The following SLC7A13 variants were observed in gnomAD, a reference collection of about 807,000 sequenced individuals.
SLC7A13 encodes the protein solute carrier family 7 member 13, also known as X-amino acid transporter 2.
Under a neutral mutation model 32.0 loss-of-function variants are expected in SLC7A13, and 31 were observed. The ratio of observed to expected loss-of-function variants is 0.97; its 90% CI spans 0.73 to 1.31. The LOEUF (loss-of-function observed/expected upper bound fraction) is 1.31. Ranked by LOEUF, SLC7A13 falls within the 50% of genes most tolerant of loss-of-function variation. The pLI is 0.00. For missense variants in SLC7A13, 633 were observed against 546.9 expected (o/e 1.16, Z -1.57); for synonymous variants, 232 against 206.9 (o/e 1.12, Z -1.04).
intron 1 of SLC7A13, among the ~76,000 whole-genome samples, chr8:86,226,538 CTG>C (rs1563591785): frequency 6.6e-6 from 1 of 152,182 alleles, no homozygotes; most frequent in Non-Finnish European, 1.5e-5. Flanking sequence ...CTATACCACT[CTG>C]AGCCTCCTCT....
At chr8:86,218,415 C>T (rs548692051) in intron 2 of SLC7A13, among the ~76,000 whole-genome samples, 1 of 152,190 alleles carries the variant, frequency 6.6e-6, no homozygotes, top group South Asian at 2.1e-4. Flanking sequence ...TTTCTATAGA[C>T]CAGTAATTCT....
At chr8:86,228,710 G>A (rs183324800) in intron 1 of SLC7A13, among the ~76,000 whole-genome samples, 25 of 151,702 alleles carry the variant, frequency 1.6e-4, no homozygotes, top group East Asian at 5.8e-4. Context: ...GCCAGGCATC[G>A]TGGTGCACAC....
rs539993555 is a variant in SLC7A13 at position 86,230,090 on chromosome 8, G to A, written c.188C>T (p.Ser63Leu). The part of the protein sequence containing the change: ...WAGCAILAMT[S>L]TLCSAEISIS... ...ACTTATCTCTGCAGAGCAAAGAGTT[G>A]ATGTCATGGCCAGTATGGCACAGCC... The change falls in exon 1 of 4, where the codon TCA (serine) becomes TTA (leucine). Residue 63 changes from serine (S) to leucine (L), a missense_variant. Transcript: ENST00000297524. The A allele has an allele frequency of 1.1e-5, 18 of 1,614,056 alleles. No homozygotes were observed. Among genetic ancestry groups the A allele is most frequent in the Non-Finnish European group, 1.5e-5 (18 of 1,180,050 alleles).
chr8:86,217,066 G>A (rs946148898), intron 3 of SLC7A13, among the ~76,000 whole-genome samples: 47 of 152,290 alleles, frequency 3.1e-4, no homozygotes, highest in African/African-American at 1.1e-3. Context: ...AAAGTAAGCT[G>A]ATGTTTCAGA....
chr8:86,218,082 T>C (rs1820223625), intron 2 of SLC7A13, among the ~76,000 whole-genome samples: 1 of 152,168 alleles, frequency 6.6e-6, no homozygotes, highest in Admixed American at 6.6e-5. Flanking sequence ...AAGAATGTTT[T>C]TGAGGGCAAG....
At position 86,223,002 on chromosome 8, in the gene SLC7A13, C is replaced by G; in HGVS notation, c.787G>C (p.Val263Leu). The G allele has an allele frequency of 6.2e-7, 1 of 1,607,794 alleles. No homozygotes were observed. Among genetic ancestry groups the G allele is most frequent in the Non-Finnish European group, 8.5e-7 (1 of 1,177,328 alleles). Residue 263 changes from valine (V) to leucine (L), a missense_variant, in exon 2 of 4, where the codon GTT (valine) becomes CTT (leucine). Physicochemically the swap from Val to Leu is conservative, Grantham distance 32. Coordinates refer to ENST00000297524, the MANE Select transcript of SLC7A13 (RefSeq NM_138817.3). ...GAGAGAATTTCCCTGGGTGTCAGAACAGTCAGATAGGAAATGTTAACCAGT... is the reference window on the plus strand; with the variant it reads ...GAGAGAATTTCCCTGGGTGTCAGAAGAGTCAGATAGGAAATGTTAACCAGT... ...YLLVNISYLT[V>L]LTPREILSSD...
In SLC7A13 at chr8:86,215,590, G is replaced by T. The variant is rs747194577; in HGVS notation, c.1180-944C>A. 1.6e-4 allele frequency: 58 copies of T among 374,120 alleles called. 1 individual carries two copies. The highest frequency in any genetic ancestry group is 1.1e-3 in the South Asian group (58 of 51,878). 23.2% of individuals were successfully genotyped at this position (374,120 alleles called of 1,614,324 possible). On this transcript the variant is annotated intron_variant, in intron 3 of 3. Coordinates refer to ENST00000297524, the MANE Select transcript of SLC7A13 (RefSeq NM_138817.3). ...AATCCCAGCTACTTGGGAGGCTGAG[G>T]CAGGAGAATCTCTTGAACCCAGGAA...
In SLC7A13 at chr8:86,217,523, T is replaced by A. The variant is rs967673826; in HGVS notation, c.1126A>T (p.Ile376Leu). The part of the protein sequence containing the change: ...TGSLWSILLM[I>L]GILRRRYQEP... ...TGGTATCTCCGCCTTAGTATTCCTA[T>A]CATTAATAATATAGACCATAATGAA... is the stretch of plus-strand genomic sequence containing the variant. The change falls in exon 3 of 4, where the codon ATA (isoleucine) becomes TTA (leucine). Residue 376 changes from isoleucine to leucine, a missense_variant. Physicochemically the swap from Ile to Leu is conservative, Grantham distance 5 (BLOSUM62 2). Transcript: ENST00000297524. The A allele has an allele frequency of 2.1e-5, 34 of 1,606,168 alleles. No individual in the cohort carries two copies. The highest frequency in any genetic ancestry group is 2.8e-5 in the Non-Finnish European group (33 of 1,177,242).
rs756957195 is a variant in SLC7A13 at position 86,223,015 on chromosome 8, A to G, written c.774T>C (p.Ile258=). 6.2e-7 allele frequency: 1 copy of G among 1,609,318 alleles called. No homozygotes were observed. The highest frequency in any genetic ancestry group is 8.5e-7 in the Non-Finnish European group (1 of 1,177,872). ...TGGGTGTCAGAACAGTCAGATAGGA[A>G]ATGTTAACCAGTAAATAAACTACAG... ...LVTVVYLLVN[I]SYLTVLTPRE... The change falls in exon 2 of 4, where the codon ATT becomes ATC. Residue 258 remains isoleucine, a synonymous_variant. Coordinates refer to ENST00000297524, the MANE Select transcript of SLC7A13 (RefSeq NM_138817.3).
chr8:86,217,392 C>T, intron 3 of SLC7A13, 78 bp downstream of exon 3: 3 of 1,237,932 alleles, frequency 2.4e-6, no homozygotes, highest in Non-Finnish European at 3.3e-6. Context: ...CTTATAGATG[C>T]TCTGATTATA....
intron 1 of SLC7A13, among the ~76,000 whole-genome samples, chr8:86,224,712 A>G (rs1407080409): frequency 6.6e-6 from 1 of 152,190 alleles, no homozygotes; most frequent in Non-Finnish European, 1.5e-5. Flanking sequence ...GCCCAGTGGA[A>G]AGGAACAAAG....
intron 1 of SLC7A13, among the ~76,000 whole-genome samples, chr8:86,228,131 C>T (rs1171221512): frequency 2.0e-5 from 3 of 152,116 alleles, no homozygotes; most frequent in Admixed American, 2.0e-4. Context: ...AGGCAAAATC[C>T]AGCACTTGTT....
At chr8:86,220,929 G>A (rs1441422973) in intron 2 of SLC7A13, among the ~76,000 whole-genome samples, 1 of 150,882 alleles carries the variant, frequency 6.6e-6, no homozygotes, top group African/African-American at 2.4e-5. Flanking sequence ...GGGAAGTGGA[G>A]GTTGCAGTGA....
At chr8:86,221,308 A>T (rs1410220423) in intron 2 of SLC7A13, among the ~76,000 whole-genome samples, 3 of 152,052 alleles carry the variant, frequency 2.0e-5, no homozygotes, top group African/African-American at 7.2e-5. Flanking sequence ...TTTCAAGCTT[A>T]TTGGATATTT....
At chr8:86,228,100 C>G (rs886722955) in intron 1 of SLC7A13, among the ~76,000 whole-genome samples, 6 of 152,178 alleles carry the variant, frequency 3.9e-5, no homozygotes, top group African/African-American at 1.4e-4. Flanking sequence ...TAACAATGCT[C>G]AAGAGCACAG....
Position 86,230,244 on chromosome 8 carries a change from C to T in SLC7A13, c.34G>A (p.Val12Met), listed in dbSNP as rs768681069. 5 of 1,607,956 alleles carry T rather than the reference C, an allele frequency of 3.1e-6. No homozygotes were observed. Among genetic ancestry groups the T allele is most frequent in the Non-Finnish European group, 4.2e-6 (5 of 1,177,088 alleles). ...DRGEKIQLKR[V>M]FGYWWGTSFL... ...CTTGTGCCCCACCAATATCCAAACA[C>T]TCTCTTGAGCTGTATTTTCTCCCCT... Residue 12 changes from valine (V) to methionine (M), a missense_variant, in exon 1 of 4, where the codon GTG becomes ATG. Transcript: ENST00000297524.
chr8:86,229,616 C>G lies in SLC7A13; in HGVS notation c.662G>C (p.Gly221Ala). The change falls in exon 1 of 4, where the codon GGG becomes GCG. Residue 221 changes from glycine (G) to alanine (A), a missense_variant. Physicochemically the swap from Gly to Ala is moderately conservative, Grantham distance 60. Transcript: ENST00000297524. ...IFQGYFAYSG[G>A]ACFTLIAGEL... ...ACCTGCTATAAGTGTAAAGCATGCC[C>G]CGCCTGAATATGCAAAATATCCTTG... 1 of 1,613,778 alleles carries G rather than the reference C, an allele frequency of 6.2e-7. No homozygotes were observed. Among genetic ancestry groups the G allele is most frequent in the Non-Finnish European group, 8.5e-7 (1 of 1,179,916 alleles).
At chr8:86,217,943 T>A (rs1221154570) in intron 2 of SLC7A13, 112 bp from the exon 3 acceptor site, 1 of 1,163,970 alleles carries the variant, frequency 8.6e-7, no homozygotes, top group African/African-American at 1.6e-5. Flanking sequence ...ATTAATAACA[T>A]TTAGTTTGCT....
chr8:86,224,946 C>T (rs1820364902), intron 1 of SLC7A13, among the ~76,000 whole-genome samples: 1 of 151,520 alleles, frequency 6.6e-6, no homozygotes, highest in African/African-American at 2.4e-5. Flanking sequence ...CTGGACTGGT[C>T]TTGAACTCCT....
Sources: allele counts gnomAD v4.1 joint callset (sites outside exome capture counted in the v4.1 genomes callset), GRCh38; gene constraint gnomAD v4.1.1; transcripts MANE v1.5; gene names NCBI Gene and HGNC (gene_info 2026-07-23, HGNC 2026-07-21).